SHANK1: variants seen among roughly 807,000 people sequenced by gnomAD.
SHANK1 encodes the protein SH3 and multiple ankyrin repeat domains 1.
A neutral mutation model predicts 165.6 loss-of-function variants in SHANK1; 35 were observed. The observed-to-expected ratio is 0.21, with a 90% confidence interval of 0.16 to 0.28. SHANK1 has a LOEUF of 0.28. Among genes scored for constraint, SHANK1 ranks in the 10% least tolerant of loss-of-function variants. SHANK1 has a pLI of 1.00. For synonymous variants in SHANK1, 1,428 were observed against 1,384.8 expected (o/e 1.03, Z -0.69); for missense variants, 2,681 against 3,036.4 (o/e 0.88, Z 2.75).
Position 50,688,206 on chromosome 19 carries a change from G to A in SHANK1, c.2173-148C>T, listed in dbSNP as rs142536180. Reference sequence around the variant, plus strand: ...TCTCCCTCCGACCCTTCATACCACCGCCTCCCTGGGCAAGCCCCCTTTCCC... The same window carrying A: ...TCTCCCTCCGACCCTTCATACCACCACCTCCCTGGGCAAGCCCCCTTTCCC... On this transcript the variant is annotated intron_variant, in intron 17 of 23. Coordinates refer to ENST00000293441, the MANE Select transcript of SHANK1 (RefSeq NM_016148.5). This position sits in a 1 kb window ranked among gnomAD's most constrained non-coding sequence, Gnocchi z 6.7. The A allele has an allele frequency of 8.1e-4, 789 of 977,350 alleles. 6 individuals carry two copies. The East Asian group carries it at 0.018, about 22-fold the overall frequency. The allele number at this position is 977,350 out of a possible 1,614,324, so 60.5% of individuals were successfully genotyped here.
rs2089090019 is a variant in SHANK1, at chr19:50,718,145, G to A, written c.-43-1183C>T. Among the ~76,000 whole-genome samples the A allele has an allele frequency of 6.6e-6, 1 of 152,166 alleles. No homozygotes were observed. The highest frequency in any genetic ancestry group is 2.1e-4 in the South Asian group (1 of 4,830). ...GGATGGGCTGGGGGGTTGGGAAAGGGAAGACTAAATGTGTGTGGTGGGAGG... is the reference window on the plus strand; with the variant it reads ...GGATGGGCTGGGGGGTTGGGAAAGGAAAGACTAAATGTGTGTGGTGGGAGG... On this transcript the variant is annotated intron_variant, in intron 1 of 23. Coordinates refer to ENST00000293441, the MANE Select transcript of SHANK1 (RefSeq NM_016148.5). This position sits in a 1 kb window ranked among gnomAD's most constrained non-coding sequence, Gnocchi z 5.1.
chr19:50,681,254 C>G (rs1986172072), intron 21 of SHANK1, among the ~76,000 whole-genome samples: 1 of 152,000 alleles, frequency 6.6e-6, no homozygotes, highest in Non-Finnish European at 1.5e-5. Context: ...CAGAGAGAGC[C>G]TCCGACATGA....
At chr19:50,693,383 C>G (rs575538332) in intron 15 of SHANK1, among the ~76,000 whole-genome samples, 1 of 150,074 alleles carries the variant, frequency 6.7e-6, no homozygotes, top group Non-Finnish European at 1.5e-5. Flanking sequence ...CTCCCCCTTG[C>G]CCCCCATCTT....
chr19:50,703,587 G>A lies in SHANK1; in HGVS notation c.1466C>T (p.Ala489Val), dbSNP rs2088897222. The part of the protein sequence containing the change: ...TKLSSGTLRS[A>V]SSPRGARARS... ...GGCCCTGGCACCCCGGGGGCTGCTG[G>A]CACTTCGGAGGGTCCCGCTGCTGAG... The change falls in exon 11 of 24, where the codon GCC becomes GTC. Residue 489 changes from alanine to valine, a missense_variant. Ala to Val is a moderately conservative substitution (Grantham distance 64). This residue lies in a region of SHANK1 where 195 missense variants were observed against 186.2 expected (regional missense o/e 1.05). Transcript: ENST00000293441. The A allele has an allele frequency of 6.4e-7, 1 of 1,558,650 alleles. No homozygotes were observed.
chr19:50,662,066 G>T lies in SHANK1; in HGVS notation c.6385C>A (p.Leu2129Met), dbSNP rs1353632484. ...FLDHEIDGSH[L>M]PALTKEDYVD... ...TAGTCCTCCTTGGTCAAGGCGGGCA[G>T]GTGGGAGCCATCGATCTCGTGGTCC... Residue 2129 changes from leucine (L) to methionine (M), a missense_variant, in exon 24 of 24, where the codon CTG (leucine) becomes ATG (methionine). Leu to Met is a conservative substitution (Grantham distance 15). This residue lies in a region of SHANK1 where 49 missense variants were observed against 94.2 expected (regional missense o/e 0.52). Transcript: ENST00000293441. The surrounding 1 kb of genome is among the most constrained non-coding windows in gnomAD (Gnocchi z 7.7). The T allele has an allele frequency of 6.2e-7, 1 of 1,614,244 alleles. No homozygotes were observed. The highest frequency in any genetic ancestry group is 1.1e-5 in the South Asian group (1 of 91,090).
In SHANK1 at chr19:50,667,490, C is replaced by T. The variant is rs1176380591; in HGVS notation, c.4470G>A (p.Leu1490=). 1 of 1,527,540 alleles carries T rather than the reference C, an allele frequency of 6.5e-7. No individual in the cohort carries two copies. The highest frequency in any genetic ancestry group is 1.8e-4 in the Middle Eastern group (1 of 5,530). The allele number at this position is 1,527,540 out of a possible 1,614,324, so 94.6% of individuals were successfully genotyped here. A position where few individuals can be genotyped will look rare whatever the true frequency, so the allele number is the denominator to read the frequency against. The change falls in exon 23 of 24, where the codon CTG becomes CTA. Residue 1490 remains leucine (L), a synonymous_variant. Coordinates refer to ENST00000293441, the MANE Select transcript of SHANK1 (RefSeq NM_016148.5). The surrounding 1 kb of genome is among the most constrained non-coding windows in gnomAD (Gnocchi z 5.7). ...AAPEEPERLP[L]HVRFLENCQP... is the part of the protein sequence containing the mutation. ...GGCAGTTTTCAAGGAACCGCACGTG[C>T]AGCGGCAGCCGCTCGGGTTCTTCGG...
At chr19:50,689,714 T>C (rs1986483185) in intron 15 of SHANK1, among the ~76,000 whole-genome samples, 1 of 152,122 alleles carries the variant, frequency 6.6e-6, no homozygotes, top group African/African-American at 2.4e-5. Context: ...CCTGATGGGG[T>C]TGCAGTGGGA....
At chr19:50,704,234 A>C (rs897343721) in intron 9 of SHANK1, 48 bp from the exon 10 acceptor site, 3 of 1,579,814 alleles carry the variant, frequency 1.9e-6, no homozygotes, top group Admixed American at 1.7e-5. Context: ...CCCAGGCAGC[A>C]GAGAGAGGGC....
chr19:50,715,617 G>T, intron 4 of SHANK1, 42 bp downstream of exon 4: 1 of 1,576,896 alleles, frequency 6.3e-7, no homozygotes, highest in Non-Finnish European at 8.7e-7. Flanking sequence ...GGCTCCAGTG[G>T]TAGGGGGCTA....
At chr19:50,696,060 C>A (rs1216030997) in intron 15 of SHANK1, among the ~76,000 whole-genome samples, 1 of 152,154 alleles carries the variant, frequency 6.6e-6, no homozygotes, top group Non-Finnish European at 1.5e-5. Flanking sequence ...ACCACACACA[C>A]AGCAGCACGT....
chr19:50,704,634 C>A, intron 8 of SHANK1, 120 bp from the exon 9 acceptor site: 1 of 880,114 alleles, frequency 1.1e-6, no homozygotes, highest in Non-Finnish European at 1.8e-6. Flanking sequence ...TAAACCCGCA[C>A]CACTGAGGAC....
At chr19:50,695,981 C>G (rs79326020) in intron 15 of SHANK1, among the ~76,000 whole-genome samples, 2,796 of 152,268 alleles carry the variant, frequency 0.018, 104 homozygotes, top group African/African-American at 0.063. Flanking sequence ...CACGGCACAG[C>G]ACAGGCCAGG....
rs1006168164 is a variant in SHANK1 at position 50,717,147 on chromosome 19, C to A, written c.-43-185G>T. On this transcript the variant is annotated intron_variant, in intron 1 of 23. Transcript: ENST00000293441. This position sits in a 1 kb window ranked among gnomAD's most constrained non-coding sequence, Gnocchi z 5.5. ...CCGCCTCCTCCCACGCTGGCACGCA[C>A]ACACCCCTGTCCCTGACATGCTTCT... 6.6e-6 allele frequency among the ~76,000 whole-genome samples: 1 copy of A among 152,176 alleles called. No homozygotes were observed. The highest frequency in any genetic ancestry group is 1.5e-5 in the Non-Finnish European group (1 of 68,018).
rs969657885 is a variant in SHANK1, at chr19:50,668,724, C to T, written c.3236G>A (p.Gly1079Asp). The T allele has an allele frequency of 1.6e-6, 2 of 1,281,850 alleles. No individual in the cohort carries two copies. The highest frequency in any genetic ancestry group is 1.6e-5 in the African/African-American group (1 of 63,884). 79.4% of individuals were successfully genotyped at this position (1,281,850 alleles called of 1,614,324 possible). ...SAGGGGGSSQ[G>D]PALRYFQLPP... ...CAGCTGGAAATAGCGTAGAGCCGGG[C>T]CCTGGGAGGAGCCGCCGCCCCCGCC... Residue 1079 changes from glycine (G) to aspartate (D), a missense_variant, in exon 23 of 24, where the codon GGC (glycine) becomes GAC (aspartate). This residue lies in a region of SHANK1 where 1,713 missense variants were observed against 1,630.2 expected (regional missense o/e 1.05). Coordinates refer to ENST00000293441, the MANE Select transcript of SHANK1 (RefSeq NM_016148.5).
chr19:50,681,150 C>A (rs1442146944), intron 21 of SHANK1, among the ~76,000 whole-genome samples: 3 of 151,598 alleles, frequency 2.0e-5, no homozygotes, highest in African/African-American at 7.3e-5. Context: ...CGAGAGAGGC[C>A]ACCAAGATGC....
intron 22 of SHANK1, among the ~76,000 whole-genome samples, chr19:50,671,144 T>C (rs527640104): frequency 6.8e-6 from 1 of 148,128 alleles, no homozygotes; most frequent in African/African-American, 2.5e-5. Context: ...CAGCACTCCC[T>C]ATCTCTCTTA....
chr19:50,685,956 C>T lies in SHANK1; in HGVS notation c.2577+281G>A, dbSNP rs374187779. Among the ~76,000 whole-genome samples the T allele has an allele frequency of 5.9e-5, 9 of 151,678 alleles. No individual in the cohort carries two copies. The East Asian group carries it at 1.2e-3, about 20-fold the overall frequency. On this transcript the variant is annotated intron_variant, in intron 21 of 23. Coordinates refer to ENST00000293441, the MANE Select transcript of SHANK1 (RefSeq NM_016148.5). ...CTTCCTTGAGACCCTTAAGATGGGA[C>T]GCAGAGGGACACAAAGAGGCGGGGC...
intron 15 of SHANK1, among the ~76,000 whole-genome samples, chr19:50,696,383 C>G (rs1226410074): frequency 6.6e-5 from 10 of 151,858 alleles, no homozygotes; most frequent in Admixed American, 6.6e-4. Flanking sequence ...CCCAGCCCCA[C>G]CCTCTCTCCC....
intron 15 of SHANK1, among the ~76,000 whole-genome samples, chr19:50,692,793 C>T (rs1986582703): frequency 1.3e-5 from 2 of 151,360 alleles, no homozygotes; most frequent in African/African-American, 4.9e-5. Context: ...TGAGGTTCCA[C>T]ATCGCCCTAA....
Sources: allele counts gnomAD v4.1 joint callset (sites outside exome capture counted in the v4.1 genomes callset), GRCh38; gene constraint gnomAD v4.1.1; regional missense constraint gnomAD v4.1.1; non-coding constraint Gnocchi (gnomAD v3.1); transcripts MANE v1.5; gene names NCBI Gene and HGNC (gene_info 2026-07-23, HGNC 2026-07-21).